The following LMO7 variants were observed in gnomAD, a reference collection of about 807,000 sequenced individuals.
LMO7 encodes LIM domain only protein 7.
In LMO7, 120 loss-of-function variants were observed where a neutral mutation model predicts 206.5. The observed-to-expected ratio is 0.58, with a 90% CI of 0.50 to 0.68. The LOEUF is 0.68. Ranked by LOEUF, LMO7 falls within the 30% of genes least tolerant of loss-of-function variation. The probability of loss-of-function intolerance (pLI) is 0.00; values close to 1 mark genes in which losing one functional copy is unlikely to be tolerated. For missense variants in LMO7, 1,959 were observed against 1,957.9 expected, an observed-to-expected ratio of 1.00 and a Z score of -0.01; for synonymous variants, 706 against 681.5, an observed-to-expected ratio of 1.04 and a Z score of -0.56.
chr13:75,834,428 G>A, intron 17 of LMO7, 41 bp downstream of exon 17: 1 of 1,462,178 alleles, frequency 6.8e-7, no homozygotes, highest in Non-Finnish European at 9.2e-7. Flanking sequence ...TTGAAACTGG[G>A]ACCTGGCCGT....
intron 2 of LMO7, among the ~76,000 whole-genome samples, chr13:75,718,898 G>A (rs1347627731): frequency 6.6e-6 from 1 of 151,742 alleles, no homozygotes; most frequent in Non-Finnish European, 1.5e-5. Context: ...ACAGTGCATA[G>A]CCTTTTCAGA....
At chr13:75,692,029 C>G (rs1396494004) in intron 1 of LMO7, among the ~76,000 whole-genome samples, 3 of 152,170 alleles carry the variant, frequency 2.0e-5, no homozygotes, top group Non-Finnish European at 2.9e-5. Context: ...ATTATTAAAT[C>G]CCAATATCTT....
At chr13:75,776,122 C>CATACAT (rs1172220522) in intron 4 of LMO7, among the ~76,000 whole-genome samples, 3 of 60,982 alleles carry the variant, frequency 4.9e-5, no homozygotes, top group Admixed American at 4.2e-4. Context: ...TACATACATA[C>CATACAT]ATACATATAT....
intron 4 of LMO7, among the ~76,000 whole-genome samples, chr13:75,774,506 C>T (rs1165372190): frequency 6.6e-6 from 1 of 152,146 alleles, no homozygotes; most frequent in African/African-American, 2.4e-5. Context: ...AGTTGTCCCA[C>T]ATTCTCCTCG....
At chr13:75,770,977 A>G (rs1031959495) in intron 4 of LMO7, among the ~76,000 whole-genome samples, 26 of 152,170 alleles carry the variant, frequency 1.7e-4, no homozygotes, top group African/African-American at 3.4e-4. Context: ...ACTTATACAG[A>G]CTTTAAAAAT....
At chr13:75,661,768 A>C (rs1311968673) in intron 1 of LMO7, among the ~76,000 whole-genome samples, 1 of 152,076 alleles carries the variant, frequency 6.6e-6, no homozygotes, top group Admixed American at 6.5e-5. Context: ...TGTTATTTGT[A>C]TTTTGACAAC....
intron 6 of LMO7, among the ~76,000 whole-genome samples, chr13:75,800,191 T>TA (rs914719551): frequency 1.3e-5 from 2 of 152,202 alleles, no homozygotes; most frequent in Admixed American, 6.5e-5. Context: ...CTTCAGTTGT[T>TA]AAGGTTTTAT....
intron 1 of LMO7, chr13:75,623,221 T>C (rs2033558258): frequency 4.5e-6 from 4 of 898,496 alleles, no homozygotes; most frequent in Non-Finnish European, 7.2e-6. Context: ...ACTTTTCATT[T>C]TTTTTCTGTA....
intron 3 of LMO7, among the ~76,000 whole-genome samples, chr13:75,738,110 C>T (rs530212246): frequency 9.2e-5 from 14 of 151,830 alleles, no homozygotes; most frequent in East Asian, 1.9e-4. Flanking sequence ...TTCAGGTTGA[C>T]GTGGGTACTG....
Position 75,853,072 on chromosome 13 carries a change from G to C in LMO7, c.4365-20G>C. Reference sequence around the variant, plus strand: ...GTTGAACATGTCACATTATTTTGATGAGTCTTTTTTGTGTTTCAGAGGCGA... The same window carrying C: ...GTTGAACATGTCACATTATTTTGATCAGTCTTTTTTGTGTTTCAGAGGCGA... On this transcript the variant is annotated intron_variant, in intron 27 of 30. Coordinates refer to ENST00000377534, the MANE Select transcript of LMO7 (RefSeq NM_001306080.2). 6.4e-7 allele frequency: 1 copy of C among 1,551,906 alleles called. No individual in the cohort carries two copies. Among genetic ancestry groups the C allele is most frequent in the Admixed American group, 2.0e-5 (1 of 51,270 alleles).
At chr13:75,626,571 T>TAC (rs1263277423) in intron 2 of LMO7, among the ~76,000 whole-genome samples, 7,147 of 88,566 alleles carry the variant, frequency 0.081, 528 homozygotes, top group Non-Finnish European at 0.13. Context: ...CCTCTTAACA[T>TAC]ATATATTATA....
At chr13:75,655,843 C>T (rs1264235684) in intron 1 of LMO7, among the ~76,000 whole-genome samples, 3 of 151,940 alleles carry the variant, frequency 2.0e-5, no homozygotes, top group Admixed American at 6.6e-5. Flanking sequence ...TGCTGGGCCC[C>T]CTGAGGTGTG....
intron 3 of LMO7, among the ~76,000 whole-genome samples, chr13:75,731,192 T>C (rs1183982615): frequency 6.6e-6 from 1 of 152,188 alleles, no homozygotes; most frequent in Non-Finnish European, 1.5e-5. Flanking sequence ...CTTGTTGACT[T>C]TCTGTCTCGT....
chr13:75,735,841 A>G (rs754942000), intron 3 of LMO7, among the ~76,000 whole-genome samples: 1 of 151,900 alleles, frequency 6.6e-6, no homozygotes, highest in Non-Finnish European at 1.5e-5. Context: ...ATAACTTATT[A>G]TTATATAATA....
At chr13:75,690,152 C>T (rs1487446424) in intron 1 of LMO7, among the ~76,000 whole-genome samples, 1 of 151,726 alleles carries the variant, frequency 6.6e-6, no homozygotes, top group African/African-American at 2.4e-5. Context: ...CCAGACCAGT[C>T]TCCACCTCCT....
chr13:75,724,798 C>T (rs187069691), intron 2 of LMO7, among the ~76,000 whole-genome samples: 39 of 152,128 alleles, frequency 2.6e-4, no homozygotes, highest in African/African-American at 8.2e-4. Flanking sequence ...GTCTTTTCTC[C>T]GTCTTGTAGT....
At chr13:75,629,440 C>T (rs112919903) in intron 2 of LMO7, among the ~76,000 whole-genome samples, 22 of 152,224 alleles carry the variant, frequency 1.4e-4, no homozygotes, top group African/African-American at 4.8e-4. Flanking sequence ...TGCCTCACCT[C>T]GCTCAGGAGG....
Position 75,853,266 on chromosome 13 carries a change from C to A in LMO7, c.4539C>A (p.Ser1513Arg). Residue 1513 changes from serine (S) to arginine (R), a missense_variant, in exon 28 of 31, where the codon AGC (serine) becomes AGA (arginine). Physicochemically the swap from Ser to Arg is moderately radical, Grantham distance 110 (BLOSUM62 -1). Coordinates refer to ENST00000377534, the MANE Select transcript of LMO7 (RefSeq NM_001306080.2). ...NRAYMRNPSS[S>R]VPPPSAGSVK... ...CCTACATGCGGAACCCCTCCTCCAG[C>A]GTGCCCCCACCTTCAGCTGGCTCCG... 6.2e-7 allele frequency: 1 copy of A among 1,614,108 alleles called. No individual in the cohort carries two copies. Among genetic ancestry groups the A allele is most frequent in the Non-Finnish European group, 8.5e-7 (1 of 1,180,002 alleles).
intron 15 of LMO7, among the ~76,000 whole-genome samples, chr13:75,829,749 C>T (rs1400518241): frequency 6.6e-6 from 1 of 151,588 alleles, no homozygotes; most frequent in Non-Finnish European, 1.5e-5. Context: ...CTTAATTCAA[C>T]AGATTTAGCA....
Sources: allele counts gnomAD v4.1 joint callset (sites outside exome capture counted in the v4.1 genomes callset), GRCh38; gene constraint gnomAD v4.1.1; transcripts MANE v1.5; gene names NCBI Gene and HGNC (gene_info 2026-07-23, HGNC 2026-07-21).